The following AAMDC variants were observed in gnomAD, a reference collection of about 807,000 sequenced individuals.
AAMDC encodes the protein adipogenesis associated Mth938 domain containing.
In AAMDC, 16 loss-of-function variants were observed where a neutral mutation model predicts 15.5. That is an observed-to-expected ratio of 1.03 (90% confidence interval 0.70 to 1.57). AAMDC has a LOEUF of 1.57. Ranked by LOEUF, AAMDC falls within the 40% of genes most tolerant of loss-of-function variation. The pLI is 0.00. For synonymous variants in AAMDC, 51 were observed against 51.6 expected (o/e 0.99, Z 0.05); for missense variants, 141 against 144.9 (o/e 0.97, Z 0.14).
At chr11:77,827,220 A>G (rs952315546) in intron 1 of AAMDC, among the ~76,000 whole-genome samples, 2 of 152,246 alleles carry the variant, frequency 1.3e-5, no homozygotes, top group African/African-American at 2.4e-5. Context: ...AAAAGTTGAA[A>G]TAGGAATCAA....
At chr11:77,823,497 G>A (rs1949026433) in intron 1 of AAMDC, among the ~76,000 whole-genome samples, 1 of 151,420 alleles carries the variant, frequency 6.6e-6, no homozygotes, top group Admixed American at 6.6e-5. Flanking sequence ...CTGGGAGGCC[G>A]AGCAGGAGGA....
downstream of AAMDC, among the ~76,000 whole-genome samples, chr11:77,903,882 A>T (rs1952858259): frequency 6.6e-6 from 1 of 152,176 alleles, no homozygotes; most frequent in Non-Finnish European, 1.5e-5. Flanking sequence ...GAAGCAGAGG[A>T]CAGGAACCAC....
chr11:77,865,511 CT>C (rs1435165642), intron 2 of AAMDC, among the ~76,000 whole-genome samples: 5 of 152,318 alleles, frequency 3.3e-5, no homozygotes, highest in African/African-American at 1.2e-4. Context: ...ATCATTTCTT[CT>C]GCTCATGTTC....
rs1391116131 is a variant in AAMDC, at chr11:77,891,278, T to G, written c.329-9293T>G. 1.9e-6 allele frequency: 3 copies of G among 1,592,362 alleles called. No individual in the cohort carries two copies. The Admixed American group carries it at 5.1e-5, about 27-fold the overall frequency. ...GCTAACATTAAATACTTCAACACAA[T>G]GTCAGTCTAGAAGCTCCATGAGGAC... On this transcript the variant is annotated intron_variant, in intron 5 of 5. Coordinates refer to the AAMDC transcript ENST00000304716.
intron 2 of AAMDC, among the ~76,000 whole-genome samples, chr11:77,845,936 C>T (rs1335215954): frequency 6.6e-6 from 1 of 152,112 alleles, no homozygotes; most frequent in Non-Finnish European, 1.5e-5. Flanking sequence ...CTGTTTCCCC[C>T]AATCCCCATA....
chr11:77,863,301 CGGATCCGGAG>C (rs1950963419), intron 2 of AAMDC, among the ~76,000 whole-genome samples: 1 of 152,116 alleles, frequency 6.6e-6, no homozygotes, highest in African/African-American at 2.4e-5. Flanking sequence ...GACACCCTGC[CGGATCCGGAG>C]GGATGGAAGT....
chr11:77,832,661 T>C (rs1463107767), intron 1 of AAMDC, among the ~76,000 whole-genome samples: 1 of 151,866 alleles, frequency 6.6e-6, no homozygotes, highest in Non-Finnish European at 1.5e-5. Context: ...TCAAATGTAT[T>C]TCCAGTATTT....
chr11:77,842,775 A>G, intron 2 of AAMDC, 147 bp downstream of exon 2: 1 of 1,087,208 alleles, frequency 9.2e-7, no homozygotes, highest in Non-Finnish European at 1.3e-6. Flanking sequence ...CTTTTAAAGT[A>G]TGCAATTCAA....
At chr11:77,864,340 G>A (rs1159811652) in intron 2 of AAMDC, among the ~76,000 whole-genome samples, 1 of 151,584 alleles carries the variant, frequency 6.6e-6, no homozygotes, top group African/African-American at 2.4e-5. Flanking sequence ...GCTATAGGCT[G>A]AGGCAGGGAG....
At chr11:77,882,074 G>C (rs1951815322) in intron 5 of AAMDC, among the ~76,000 whole-genome samples, 1 of 152,034 alleles carries the variant, frequency 6.6e-6, no homozygotes, top group African/African-American at 2.4e-5. Flanking sequence ...ACCATGCCCA[G>C]TTAACTTTTT....
At chr11:77,890,354 C>T (rs1463099366) in intron 5 of AAMDC, among the ~76,000 whole-genome samples, 1 of 152,102 alleles carries the variant, frequency 6.6e-6, no homozygotes, top group Non-Finnish European at 1.5e-5. Context: ...TCTGCCTGTT[C>T]CAGCCTATTT....
intron 5 of AAMDC, among the ~76,000 whole-genome samples, chr11:77,881,198 T>C (rs1360133599): frequency 6.6e-6 from 1 of 152,220 alleles, no homozygotes; most frequent in Non-Finnish European, 1.5e-5. Flanking sequence ...AGCAGGTTTA[T>C]ATTCTTATTC....
chr11:77,821,144 AG>A lies in AAMDC; in HGVS notation c.-115del. On this transcript the variant is annotated 5_prime_UTR_variant, in exon 1 of 4. Transcript: ENST00000393427. ...ACTGCAGGGCGTATTCCCGGAGGGCAGTTGGGGAGCGCAGATCCCGAAGCAG... is the reference window on the plus strand; with the variant it reads ...ACTGCAGGGCGTATTCCCGGAGGGCATTGGGGAGCGCAGATCCCGAAGCAG... 2.5e-6 allele frequency: 1 copy of A among 400,314 alleles called. No homozygotes were observed. The highest frequency in any genetic ancestry group is 4.4e-6 in the Non-Finnish European group (1 of 225,292). 24.8% of individuals were successfully genotyped at this position (400,314 alleles called of 1,614,324 possible). A position where few individuals can be genotyped will look rare whatever the true frequency, so the allele number is the denominator to read the frequency against.
intron 1 of AAMDC, among the ~76,000 whole-genome samples, chr11:77,829,386 G>A (rs1371333942): frequency 3.3e-5 from 5 of 152,158 alleles, no homozygotes; most frequent in Non-Finnish European, 7.3e-5. Context: ...ATTTTTTATA[G>A]TAGTCAGGCT....
intron 1 of AAMDC, among the ~76,000 whole-genome samples, chr11:77,838,905 C>T (rs1333554444): frequency 2.0e-5 from 3 of 152,158 alleles, no homozygotes; most frequent in South Asian, 2.1e-4. Flanking sequence ...CGTGAGCCAC[C>T]GCGCCCAGCA....
chr11:77,823,214 C>A (rs1260714772), intron 1 of AAMDC, among the ~76,000 whole-genome samples: 726 of 92,696 alleles, frequency 7.8e-3, no homozygotes, highest in South Asian at 0.017. Flanking sequence ...GACTCCGTCT[C>A]AAAAAAAAAA....
chr11:77,860,933 C>A lies in AAMDC; in HGVS notation c.133-8789C>A, dbSNP rs577727919. On this transcript the variant is annotated intron_variant, in intron 2 of 3. Coordinates refer to ENST00000393427, the MANE Select transcript of AAMDC (RefSeq NM_024684.4). ...GTTCACTGTCTGTTGGGTTTCTATACCCCTAAAATTGGAGTATTGCAGGGG... is the reference window on the plus strand; with the variant it reads ...GTTCACTGTCTGTTGGGTTTCTATAACCCTAAAATTGGAGTATTGCAGGGG... 3.3e-5 allele frequency among the ~76,000 whole-genome samples: 5 copies of A among 152,218 alleles called. No homozygotes were observed. In the South Asian group the frequency reaches 1.0e-3, roughly 32 times the overall value.
downstream of AAMDC, among the ~76,000 whole-genome samples, chr11:77,873,670 T>C (rs981633427): frequency 1.3e-5 from 2 of 152,202 alleles, no homozygotes; most frequent in African/African-American, 4.8e-5. Flanking sequence ...AATATTATAA[T>C]AGTTACTAGG....
At chr11:77,891,693 C>A (rs4144307) in intron 5 of AAMDC, 1 of 1,611,922 alleles carries the variant, frequency 6.2e-7, no homozygotes, top group East Asian at 2.2e-5. Flanking sequence ...GCTCTGGAAG[C>A]GGGAGATGCA....
Sources: gnomAD v4.1 joint callset for allele counts (sites outside exome capture counted in the v4.1 genomes callset) on GRCh38, gnomAD v4.1.1 for gene constraint, MANE v1.5 for transcripts, NCBI Gene and HGNC (gene_info 2026-07-23, HGNC 2026-07-21) for gene names.